The following TRIM49 variants were observed in gnomAD, a reference collection of about 807,000 sequenced individuals.
The protein encoded by TRIM49 is tripartite motif containing 49.
A neutral mutation model predicts 27.4 loss-of-function variants in TRIM49; 5 were observed. The observed-to-expected ratio is 0.18, with a 90% confidence interval of 0.10 to 0.38. TRIM49 has a LOEUF of 0.38. Ranked by LOEUF, TRIM49 falls within the 10% of genes least tolerant of loss-of-function variation. The probability of loss-of-function intolerance (pLI) is 1.00; values close to 1 mark genes in which losing one functional copy is unlikely to be tolerated. For missense variants in TRIM49, 188 were observed against 487.5 expected (o/e 0.39, Z 5.79); for synonymous variants, 69 against 166.0 (o/e 0.42, Z 4.49).
At chr11:89,790,728 C>G in the TRIM49 span, among the ~76,000 whole-genome samples, 10 of 151,860 alleles carry the variant, frequency 6.6e-5, no homozygotes, top group African/African-American at 1.2e-4. Flanking sequence ...GAAAGGACAT[C>G]CACACCAAAA....
chr11:89,768,771 G>A, the TRIM49 span: 1 of 501,532 alleles, frequency 2.0e-6, no homozygotes, highest in Non-Finnish European at 3.9e-6. Context: ...GTTTTTCACA[G>A]CACGCCTTGT....
chr11:89,768,215 G>C, the TRIM49 span: 19 of 1,426,666 alleles, frequency 1.3e-5, 1 homozygote, highest in Admixed American at 1.7e-5. Context: ...CCTGTCCACC[G>C]GTCCTGTGAT....
At chr11:89,808,231 AT>A (rs1949801669) in intron 1 of TRIM49, among the ~76,000 whole-genome samples, 1 of 147,698 alleles carries the variant, frequency 6.8e-6, no homozygotes, top group South Asian at 2.1e-4. Flanking sequence ...TAAAAAAGAG[AT>A]TTCAGAAGGG....
the TRIM49 span, chr11:89,767,025 A>T: frequency 4.8e-6 from 3 of 622,426 alleles, no homozygotes; most frequent in Non-Finnish European, 5.4e-6. Flanking sequence ...CACATCCTCA[A>T]ACAGCCCGAT....
the TRIM49 span, chr11:89,787,095 G>A: frequency 3.2e-5 from 5 of 158,148 alleles, no homozygotes; most frequent in Admixed American, 6.5e-5. Context: ...GAGCGGTTGG[G>A]GGAAAAGTAC....
the TRIM49 span, chr11:89,786,987 C>A: frequency 8.2e-6 from 1 of 122,326 alleles, no homozygotes; most frequent in Non-Finnish European, 1.6e-5. Context: ...CTAGTAGGGG[C>A]GGGTGTCCAC....
At chr11:89,774,137 A>T in the TRIM49 span, among the ~76,000 whole-genome samples, 2 of 149,646 alleles carry the variant, frequency 1.3e-5, no homozygotes, top group Non-Finnish European at 3.0e-5. Context: ...AGTAGCTAGG[A>T]TTACAAGTGC....
the TRIM49 span, chr11:89,787,093 G>A: frequency 1.3e-5 from 2 of 157,466 alleles, no homozygotes; most frequent in African/African-American, 2.9e-5. Context: ...GGGAGCGGTT[G>A]GGGGAAAAGT....
At chr11:89,766,935 G>GA in the TRIM49 span, 1 of 778,660 alleles carries the variant, frequency 1.3e-6, no homozygotes, top group Non-Finnish European at 2.1e-6. Context: ...TTTGCCAGAG[G>GA]AGAAGACCCA....
At position 89,800,703 on chromosome 11, in the gene TRIM49, A is replaced by G. The variant is rs565356680; in HGVS notation, c.761+263T>C. ...GCTTTCAGTGAGCCGAGATGGCGCCATTGCACTCCAGCCTGGGCGACAGAG... is the reference window on the plus strand; with the variant it reads ...GCTTTCAGTGAGCCGAGATGGCGCCGTTGCACTCCAGCCTGGGCGACAGAG... On this transcript the variant is annotated intron_variant, in intron 6 of 7. Coordinates refer to ENST00000329758, the MANE Select transcript of TRIM49 (RefSeq NM_020358.2). 1.1e-4 allele frequency among the ~76,000 whole-genome samples: 17 copies of G among 150,606 alleles called. No individual in the cohort carries two copies. In the South Asian group the frequency reaches 2.7e-3, roughly 24 times the overall value.
At chr11:89,783,708 A>T in the TRIM49 span, among the ~76,000 whole-genome samples, 8 of 146,808 alleles carry the variant, frequency 5.4e-5, 2 homozygotes, top group African/African-American at 2.1e-4. Flanking sequence ...ACTTTAAATA[A>T]GAATCCAGAT....
At chr11:89,807,049 T>C (rs1190181833) in intron 2 of TRIM49, 50 bp downstream of exon 2, 1 of 151,738 alleles carries the variant, frequency 6.6e-6, no homozygotes, top group Non-Finnish European at 1.5e-5. Context: ...CTCTAATTTA[T>C]TATTGTGTAA....
At chr11:89,773,651 G>A in the TRIM49 span, among the ~76,000 whole-genome samples, 111 of 137,076 alleles carry the variant, frequency 8.1e-4, 33 homozygotes, top group African/African-American at 3.5e-3. Flanking sequence ...TTTAAAGTTA[G>A]CATGTGGCCC....
downstream of TRIM49, among the ~76,000 whole-genome samples, chr11:89,793,001 G>A (rs1442353846): frequency 6.6e-6 from 1 of 152,008 alleles, no homozygotes; most frequent in African/African-American, 2.4e-5. Flanking sequence ...CTGCTAGCAA[G>A]ACTAATAAAG....
the TRIM49 span, among the ~76,000 whole-genome samples, chr11:89,790,443 C>T: frequency 0.3 from 44,303 of 147,650 alleles, 2,173 homozygotes; most frequent in East Asian, 0.42. Flanking sequence ...GATCTGAGAA[C>T]GGACAGACTG....
downstream of TRIM49, among the ~76,000 whole-genome samples, chr11:89,793,821 G>C (rs1187175520): frequency 5.3e-5 from 8 of 151,944 alleles, no homozygotes; most frequent in Non-Finnish European, 1.0e-4. Context: ...CCTTAGAAAA[G>C]TGGTGCAAGA....
chr11:89,766,789 G>T, the TRIM49 span: 1 of 1,234,206 alleles, frequency 8.1e-7, no homozygotes, highest in African/African-American at 2.1e-5. Flanking sequence ...AGACTGAAAT[G>T]ATTATCCACC....
downstream of TRIM49, among the ~76,000 whole-genome samples, chr11:89,794,095 CAG>C (rs1319529800): frequency 7.4e-6 from 1 of 135,428 alleles, no homozygotes; most frequent in Non-Finnish European, 1.6e-5. Context: ...ACACCAGTAA[CAG>C]AGAAACAGAG....
downstream of TRIM49, among the ~76,000 whole-genome samples, chr11:89,793,027 A>G (rs1949665619): frequency 6.6e-6 from 1 of 152,100 alleles, no homozygotes; most frequent in African/African-American, 2.4e-5. Flanking sequence ...AAGAGAGAAG[A>G]ATCAAATAGA....
Sources: gnomAD v4.1 joint callset for allele counts (sites outside exome capture counted in the v4.1 genomes callset) on GRCh38, gnomAD v4.1.1 for gene constraint, MANE v1.5 for transcripts, NCBI Gene and HGNC (gene_info 2026-07-23, HGNC 2026-07-21) for gene names.